Variants in EEF2K observed in about 807,000 individuals in gnomAD.
EEF2K encodes the protein eukaryotic elongation factor 2 kinase, also known as alternative protein EEF2K.
A neutral mutation model predicts 93.8 loss-of-function variants in EEF2K; 70 were observed. The ratio of observed to expected loss-of-function variants is 0.75; its 90% confidence interval spans 0.62 to 0.91. EEF2K has a LOEUF of 0.91. Ranked by LOEUF, EEF2K falls within the 40% of genes least tolerant of loss-of-function variation. The probability of loss-of-function intolerance (pLI) is 0.00; values close to 1 mark genes in which losing one functional copy is unlikely to be tolerated. For missense variants in EEF2K, 935 were observed against 972.9 expected (o/e 0.96, Z 0.52); for synonymous variants, 376 against 380.8 (o/e 0.99, Z 0.15).
In EEF2K at chr16:22,250,750, G is replaced by T. The variant is rs1311948282; in HGVS notation, c.446+59G>T. ...CCAGAGTCCCCCCAGGCTCCTAAGA[G>T]CTGAGGCATTGGGACATTTTCAGCC... On this transcript the variant is annotated intron_variant, in intron 5 of 17. Coordinates refer to ENST00000263026, the MANE Select transcript of EEF2K (RefSeq NM_013302.5). 2.5e-6 allele frequency: 4 copies of T among 1,608,480 alleles called. No individual in the cohort carries two copies. In the African/African-American group the frequency reaches 5.3e-5, roughly 21 times the overall value.
rs745438208 is a variant in EEF2K, at chr16:22,251,322, G to A, written c.618G>A (p.Gln206=). The A allele has an allele frequency of 1.6e-5, 26 of 1,613,738 alleles. No individual in the cohort carries two copies. Among genetic ancestry groups the A allele is most frequent in the Non-Finnish European group, 2.2e-5 (26 of 1,179,878 alleles). Residue 206 remains glutamine (Q), a splice_region_variant and synonymous_variant, in exon 6 of 18, where the codon CAG becomes CAA. Transcript: ENST00000263026. ...EEYNRHKPPK[Q]VDIMQMCIIE... Reference sequence around the variant, plus strand: ...ATAATCGGCACAAGCCCCCCAAGCAGGTGCGTGGCCCCACTACCTGCCCCC... The same window carrying A: ...ATAATCGGCACAAGCCCCCCAAGCAAGTGCGTGGCCCCACTACCTGCCCCC...
chr16:22,220,496 G>A (rs1274504819), intron 1 of EEF2K, among the ~76,000 whole-genome samples: 1 of 151,990 alleles, frequency 6.6e-6, no homozygotes, highest in Non-Finnish European at 1.5e-5. Flanking sequence ...TGTTGCCCAG[G>A]CAGTGGCACA....
At chr16:22,247,472 T>C (rs1470580599) in intron 3 of EEF2K, among the ~76,000 whole-genome samples, 2 of 151,458 alleles carry the variant, frequency 1.3e-5, no homozygotes, top group Non-Finnish European at 2.9e-5. Context: ...TCTCTAACCT[T>C]ACATGAATTT....
intron 10 of EEF2K, among the ~76,000 whole-genome samples, chr16:22,259,426 C>T (rs886839282): frequency 6.6e-6 from 1 of 152,132 alleles, no homozygotes; most frequent in Non-Finnish European, 1.5e-5. Flanking sequence ...TAAAGAAGCC[C>T]TTTAGATGTT....
chr16:22,217,220 TAG>T (rs2046966216), intron 1 of EEF2K, among the ~76,000 whole-genome samples: 4 of 117,832 alleles, frequency 3.4e-5, no homozygotes, highest in Non-Finnish European at 6.8e-5. Context: ...TATATATAGA[TAG>T]ATAGATAGAG....
intron 1 of EEF2K, among the ~76,000 whole-genome samples, chr16:22,222,899 C>G (rs2047028445): frequency 7.5e-6 from 1 of 133,250 alleles, no homozygotes; most frequent in Non-Finnish European, 1.6e-5. Context: ...ATAGATAGTA[C>G]AATTCAATGG....
At chr16:22,257,910 C>A in intron 9 of EEF2K, 140 bp downstream of exon 9, 1 of 1,329,326 alleles carries the variant, frequency 7.5e-7, no homozygotes, top group Non-Finnish European at 1.0e-6. Context: ...TCTGTCCCAT[C>A]CATGCCCCAG....
At chr16:22,206,807 A>T (rs1444171619) in intron 1 of EEF2K, 128 bp downstream of exon 1, 1 of 152,770 alleles carries the variant, frequency 6.5e-6, no homozygotes, top group Non-Finnish European at 1.5e-5. Flanking sequence ...CGGAGAAGGC[A>T]TGGAAGGAGA....
intron 15 of EEF2K, among the ~76,000 whole-genome samples, chr16:22,273,110 T>C (rs2047600642): frequency 6.6e-6 from 1 of 152,364 alleles, no homozygotes; most frequent in South Asian, 2.1e-4. Context: ...AACAGCTTTA[T>C]TGAAGTGTCA....
Position 22,258,696 on chromosome 16 carries a change from G to A in EEF2K, c.1231+1G>A, listed in dbSNP as rs538124442. 16 of 1,614,076 alleles carry A rather than the reference G, an allele frequency of 9.9e-6. No homozygotes were observed. The highest frequency in any genetic ancestry group is 8.0e-5 in the African/African-American group (6 of 75,032). ...CACAGCCAGAAGCTAGACCACCTCCGTGAGTGACGGTTCGGTCCCTAGTCA... is the reference window on the plus strand; with the variant it reads ...CACAGCCAGAAGCTAGACCACCTCCATGAGTGACGGTTCGGTCCCTAGTCA... On this transcript the variant is annotated splice_donor_variant, in intron 10 of 17. Transcript: ENST00000263026. LOFTEE classifies it high-confidence loss of function.
At chr16:22,212,770 G>A (rs2046927317) in intron 1 of EEF2K, among the ~76,000 whole-genome samples, 1 of 152,086 alleles carries the variant, frequency 6.6e-6, no homozygotes, top group Non-Finnish European at 1.5e-5. Context: ...GTGGCTGGAG[G>A]ATCACTTGAG....
At position 22,285,720 on chromosome 16, in the gene EEF2K, CTTTG is replaced by C. The variant is rs1341620605; in HGVS notation, c.*1728_*1731del. The C allele has an allele frequency of 2.0e-5, 3 of 152,582 alleles. No homozygotes were observed. Among genetic ancestry groups the C allele is most frequent in the Admixed American group, 6.5e-5 (1 of 15,278 alleles). The allele number at this position is 152,582 out of a possible 1,614,324, so 9.5% of individuals were successfully genotyped here. A position where few individuals can be genotyped will look rare whatever the true frequency, so the allele number is the denominator to read the frequency against. ...CTAAATGCAAAAGCAGCCTATTTTT[CTTTG>C]TTTAAAAGTCAAAACATAAAAAAGC... On this transcript the variant is annotated 3_prime_UTR_variant, in exon 18 of 18. Coordinates refer to ENST00000263026, the MANE Select transcript of EEF2K (RefSeq NM_013302.5).
At chr16:22,224,636 CAA>C (rs766417140) in intron 1 of EEF2K, among the ~76,000 whole-genome samples, 2 of 117,520 alleles carry the variant, frequency 1.7e-5, no homozygotes, top group Non-Finnish European at 3.4e-5. Context: ...GATTCTGTCT[CAA>C]AAAAAAAAAG....
At chr16:22,256,974 G>A in intron 7 of EEF2K, 77 bp downstream of exon 7, 1 of 1,583,998 alleles carries the variant, frequency 6.3e-7, no homozygotes. Flanking sequence ...AGCCCCTAAA[G>A]AGGAAGGTCC....
At chr16:22,206,895 G>A (rs575517415) in intron 1 of EEF2K, among the ~76,000 whole-genome samples, 1 of 152,316 alleles carries the variant, frequency 6.6e-6, no homozygotes, top group East Asian at 1.9e-4. Flanking sequence ...GAAGTTGTGC[G>A]GATTAAAGGC....
chr16:22,274,034 G>A (rs756062697), intron 16 of EEF2K, among the ~76,000 whole-genome samples: 8 of 152,306 alleles, frequency 5.3e-5, no homozygotes, highest in East Asian at 1.9e-4. Flanking sequence ...GGCTGGGCGC[G>A]GTGGCTCATG....
intron 3 of EEF2K, among the ~76,000 whole-genome samples, chr16:22,246,656 C>T (rs2047295054): frequency 6.6e-6 from 1 of 151,810 alleles, no homozygotes; most frequent in Admixed American, 6.6e-5. Context: ...AAAATGATAC[C>T]CCAAAGTGAA....
In EEF2K at chr16:22,268,066, G is replaced by C. The variant is rs554851094; in HGVS notation, c.1764+1190G>C. On this transcript the variant is annotated intron_variant, in intron 15 of 17. Coordinates refer to ENST00000263026, the MANE Select transcript of EEF2K (RefSeq NM_013302.5). The stretch of plus-strand genomic sequence containing the variant: ...CGGGTTGGTTTGGCTGTGGCCCAGT[G>C]GGTGAATGGATCTCAGACTCGAGGG... 2.6e-5 allele frequency among the ~76,000 whole-genome samples: 4 copies of C among 152,240 alleles called. No individual in the cohort carries two copies. The South Asian group carries it at 8.3e-4, about 32-fold the overall frequency.
At chr16:22,268,188 G>GT (rs934157852) in intron 15 of EEF2K, among the ~76,000 whole-genome samples, 21 of 151,536 alleles carry the variant, frequency 1.4e-4, no homozygotes, top group East Asian at 3.9e-4. Flanking sequence ...TTTTGTTTTT[G>GT]TTTTTTTTGA....
Sources: allele counts gnomAD v4.1 joint callset (sites outside exome capture counted in the v4.1 genomes callset), GRCh38; gene constraint gnomAD v4.1.1; transcripts MANE v1.5; gene names NCBI Gene and HGNC (gene_info 2026-07-23, HGNC 2026-07-21).